The following DPYD variants were observed in gnomAD, a reference collection of about 807,000 sequenced individuals.
DPYD encodes the protein dihydropyrimidine dehydrogenase.
In DPYD, 109 loss-of-function variants were observed where a neutral mutation model predicts 116.2. That is an observed-to-expected ratio of 0.94 (90% confidence interval 0.80 to 1.10). DPYD has a LOEUF of 1.10. DPYD is among the 50% of genes least tolerant of loss of function. The pLI is 0.00. For synonymous variants in DPYD, 440 were observed against 432.0 expected, an observed-to-expected ratio of 1.02 and a Z score of -0.23; for missense variants, 1,302 against 1,254.5, an observed-to-expected ratio of 1.04 and a Z score of -0.57.
At chr1:97,487,906 T>C (rs1678740547) in intron 13 of DPYD, among the ~76,000 whole-genome samples, 1 of 152,188 alleles carries the variant, frequency 6.6e-6, no homozygotes, top group Admixed American at 6.5e-5. Flanking sequence ...ATATGACCCA[T>C]CAATTGCACT....
intron 1 of DPYD, among the ~76,000 whole-genome samples, chr1:97,896,136 T>C (rs1673057124): frequency 1.3e-5 from 2 of 151,776 alleles, no homozygotes; most frequent in South Asian, 4.1e-4. Flanking sequence ...CTCTTAGAGA[T>C]TAACATTTGA....
intron 16 of DPYD, among the ~76,000 whole-genome samples, chr1:97,320,324 C>A (rs1423271393): frequency 1.7e-5 from 2 of 119,296 alleles, no homozygotes; most frequent in African/African-American, 6.1e-5. Flanking sequence ...GATTGTTTAT[C>A]TAGAAAACCC....
chr1:97,873,614 G>C (rs1671765978), intron 2 of DPYD, among the ~76,000 whole-genome samples: 1 of 151,118 alleles, frequency 6.6e-6, no homozygotes, highest in African/African-American at 2.4e-5. Flanking sequence ...TGTAGATTGA[G>C]CAATTCACTT....
At chr1:97,752,265 T>C (rs1371026314) in intron 3 of DPYD, among the ~76,000 whole-genome samples, 1 of 150,228 alleles carries the variant, frequency 6.7e-6, no homozygotes, top group Non-Finnish European at 1.5e-5. Flanking sequence ...TTCTCCCTTT[T>C]ACAAAAATAA....
At chr1:97,398,930 T>C (rs1162977954) in intron 14 of DPYD, among the ~76,000 whole-genome samples, 1 of 152,170 alleles carries the variant, frequency 6.6e-6, no homozygotes, top group Non-Finnish European at 1.5e-5. Flanking sequence ...TCTTTTGCTG[T>C]GCAGAAGCTC....
At chr1:97,179,168 C>T (rs6593636) in intron 20 of DPYD, among the ~76,000 whole-genome samples, 108,174 of 152,122 alleles carry the variant, frequency 0.71, 39,820 homozygotes, top group East Asian at 0.99. Flanking sequence ...GCCAAAAGCA[C>T]GCAAAGTCAG....
At chr1:97,315,301 C>T (rs1386418413) in intron 16 of DPYD, among the ~76,000 whole-genome samples, 2 of 151,770 alleles carry the variant, frequency 1.3e-5, no homozygotes, top group East Asian at 3.9e-4. Flanking sequence ...TTCAGGGAGA[C>T]CCCAGTGAAT....
At chr1:97,137,360 C>T (rs1653889390) in intron 20 of DPYD, among the ~76,000 whole-genome samples, 1 of 152,196 alleles carries the variant, frequency 6.6e-6, no homozygotes, top group Admixed American at 6.5e-5. Flanking sequence ...TTTTAAATCC[C>T]TGTACAATGA....
intron 8 of DPYD, among the ~76,000 whole-genome samples, chr1:97,670,182 T>C (rs1659780657): frequency 1.3e-5 from 2 of 152,288 alleles, no homozygotes; most frequent in Middle Eastern, 3.4e-3. Context: ...TTTTGTTAAG[T>C]ATCCTAAAAT....
intron 3 of DPYD, among the ~76,000 whole-genome samples, chr1:97,824,619 C>A (rs1407063719): frequency 6.6e-6 from 1 of 152,112 alleles, no homozygotes; most frequent in East Asian, 1.9e-4. Flanking sequence ...AAGGTCTGGG[C>A]AGCATTGGTC....
intron 13 of DPYD, among the ~76,000 whole-genome samples, chr1:97,504,245 G>A (rs947502418): frequency 5.9e-5 from 9 of 151,920 alleles, no homozygotes; most frequent in South Asian, 2.1e-4. Context: ...TTGGTGCACC[G>A]TATACAGTGT....
chr1:97,800,063 TTTA>T (rs1202942938), intron 3 of DPYD, among the ~76,000 whole-genome samples: 2 of 151,958 alleles, frequency 1.3e-5, no homozygotes, highest in African/African-American at 4.8e-5. Flanking sequence ...ATATTTGCCA[TTTA>T]TTTTTTGTAT....
chr1:97,796,220 T>C (rs1429170830), intron 3 of DPYD, among the ~76,000 whole-genome samples: 2 of 152,094 alleles, frequency 1.3e-5, no homozygotes, highest in African/African-American at 4.8e-5. Flanking sequence ...TTCTGTTAGG[T>C]AGGCATTATT....
chr1:97,390,000 T>G (rs1342426072), intron 14 of DPYD, among the ~76,000 whole-genome samples: 1 of 152,088 alleles, frequency 6.6e-6, no homozygotes, highest in Admixed American at 6.6e-5. Context: ...ATTATTTTAT[T>G]AAGTAGCTTT....
At chr1:97,143,936 T>G (rs1181020287) in intron 20 of DPYD, among the ~76,000 whole-genome samples, 1 of 152,190 alleles carries the variant, frequency 6.6e-6, no homozygotes, top group Non-Finnish European at 1.5e-5. Context: ...CAATGGTAAC[T>G]GACTCTTCTG....
chr1:97,214,271 C>T (rs958362583), intron 19 of DPYD, among the ~76,000 whole-genome samples: 9 of 152,152 alleles, frequency 5.9e-5, no homozygotes, highest in African/African-American at 2.2e-4. Context: ...AAATTGCACA[C>T]TATTTTCACT....
chr1:97,328,339 T>A (rs539247057), intron 16 of DPYD, among the ~76,000 whole-genome samples: 1 of 152,208 alleles, frequency 6.6e-6, no homozygotes, highest in African/African-American at 2.4e-5. Context: ...AAAGAGACAA[T>A]AGCCTATATA....
intron 8 of DPYD, among the ~76,000 whole-genome samples, chr1:97,631,355 C>T (rs1657249515): frequency 6.6e-6 from 1 of 152,008 alleles, no homozygotes; most frequent in African/African-American, 2.4e-5. Flanking sequence ...CTCAGCAAAC[C>T]CTATTTGTTG....
At chr1:97,865,535 C>A (rs968100432) in intron 2 of DPYD, among the ~76,000 whole-genome samples, 2 of 151,912 alleles carry the variant, frequency 1.3e-5, no homozygotes, top group Non-Finnish European at 2.9e-5. Flanking sequence ...TTCAAGCCAT[C>A]CTCCTTCACC....
Sources: allele counts gnomAD v4.1 joint callset (sites outside exome capture counted in the v4.1 genomes callset), GRCh38; gene constraint gnomAD v4.1.1; transcripts MANE v1.5; gene names NCBI Gene and HGNC (gene_info 2026-07-23, HGNC 2026-07-21).